The following GSAP variants were observed in gnomAD, a reference collection of about 807,000 sequenced individuals.
The protein encoded by GSAP is gamma-secretase-activating protein.
Under a neutral mutation model 131.7 loss-of-function variants are expected in GSAP, and 118 were observed. The observed-to-expected ratio is 0.90, with a 90% CI of 0.77 to 1.04. The LOEUF (loss-of-function observed/expected upper bound fraction) is 1.04. Among genes scored for constraint, GSAP ranks in the 50% least tolerant of loss-of-function variants. The pLI, the probability that GSAP is intolerant of heterozygous loss-of-function variation, is 0.00. For missense variants in GSAP, 1,019 were observed against 1,013.2 expected, an observed-to-expected ratio of 1.01 and a Z score of -0.08; for synonymous variants, 381 against 363.4, an observed-to-expected ratio of 1.05 and a Z score of -0.55.
At chr7:77,324,116 C>T (rs1562901466) in intron 23 of GSAP, among the ~76,000 whole-genome samples, 1 of 152,144 alleles carries the variant, frequency 6.6e-6, no homozygotes, top group Non-Finnish European at 1.5e-5. Context: ...ACAGGAACAA[C>T]TCTATATATA....
At chr7:77,335,013 G>T (rs1332897959) in intron 19 of GSAP, among the ~76,000 whole-genome samples, 1 of 152,038 alleles carries the variant, frequency 6.6e-6, no homozygotes, top group Non-Finnish European at 1.5e-5. Flanking sequence ...AACCCGGGAG[G>T]CAGAGCTTGC....
At chr7:77,336,888 A>G (rs1790063713) in intron 19 of GSAP, among the ~76,000 whole-genome samples, 1 of 152,230 alleles carries the variant, frequency 6.6e-6, no homozygotes, top group African/African-American at 2.4e-5. Context: ...TGGCCTCACT[A>G]TAATTAACTG....
At chr7:77,316,506 C>G (rs1794985527) in intron 26 of GSAP, among the ~76,000 whole-genome samples, 1 of 151,850 alleles carries the variant, frequency 6.6e-6, no homozygotes, top group African/African-American at 2.4e-5. Context: ...TCCCTGAGTC[C>G]AAAAAAACTC....
At chr7:77,318,399 C>T (rs141372817) in intron 26 of GSAP, among the ~76,000 whole-genome samples, 1 of 151,964 alleles carries the variant, frequency 6.6e-6, no homozygotes, top group African/African-American at 2.4e-5. Flanking sequence ...GTACGTGGCA[C>T]AAAATGAGTA....
At position 77,412,898 on chromosome 7, in the gene GSAP, T is replaced by A. The variant is rs949554033; in HGVS notation, c.109+3315A>T. ...TAAGTACAACACTCTGGAAAACAAT[T>A]TGGCACTGCCCAGGAAAGACGAAGA... On this transcript the variant is annotated intron_variant, in intron 1 of 30. Coordinates refer to ENST00000257626, the MANE Select transcript of GSAP (RefSeq NM_017439.4). 3.9e-5 allele frequency among the ~76,000 whole-genome samples: 6 copies of A among 152,224 alleles called. No homozygotes were observed. The East Asian group carries it at 1.2e-3, about 29-fold the overall frequency.
At chr7:77,329,286 T>C in intron 21 of GSAP, 47 bp downstream of exon 21, 1 of 1,057,642 alleles carries the variant, frequency 9.5e-7, no homozygotes, top group Non-Finnish European at 1.4e-6. Context: ...AAAGTAATTG[T>C]AAATGTCAAC....
At chr7:77,353,835 A>C in intron 16 of GSAP, 194 bp from the exon 17 acceptor site, 1 of 474,140 alleles carries the variant, frequency 2.1e-6, no homozygotes, top group Non-Finnish European at 3.7e-6. Flanking sequence ...TTTATAAGTG[A>C]GATCCTTTTT....
intron 12 of GSAP, among the ~76,000 whole-genome samples, chr7:77,370,533 C>T (rs1221343153): frequency 4.6e-5 from 7 of 152,136 alleles, no homozygotes; most frequent in African/African-American, 1.7e-4. Context: ...ATGTGAGCTC[C>T]GGATCCCATC....
intron 18 of GSAP, chr7:77,351,018 G>C: frequency 1.8e-6 from 1 of 549,916 alleles, no homozygotes. Context: ...TATTTTAGGA[G>C]ATGTAATGTA....
At chr7:77,365,739 G>A (rs1795191764) in intron 12 of GSAP, among the ~76,000 whole-genome samples, 1 of 151,986 alleles carries the variant, frequency 6.6e-6, no homozygotes. Context: ...ATTCCTCTAA[G>A]TATATACCCA....
chr7:77,330,590 T>TG, intron 19 of GSAP: 1 of 1,101,110 alleles, frequency 9.1e-7, no homozygotes, highest in Non-Finnish European at 1.1e-6. Flanking sequence ...TTTTTTTTTT[T>TG]TTTGTCGTTG....
chr7:77,334,225 G>A (rs762618484), intron 19 of GSAP, among the ~76,000 whole-genome samples: 15 of 152,230 alleles, frequency 9.9e-5, no homozygotes, highest in South Asian at 6.2e-4. Flanking sequence ...CATATACACC[G>A]TGGAATACTA....
intron 19 of GSAP, among the ~76,000 whole-genome samples, chr7:77,340,002 G>A (rs1236116412): frequency 6.6e-6 from 1 of 152,130 alleles, no homozygotes; most frequent in Non-Finnish European, 1.5e-5. Flanking sequence ...ACATCCAGCT[G>A]GCCTGAAGGA....
chr7:77,357,832 G>A (rs371161197), intron 14 of GSAP, among the ~76,000 whole-genome samples: 24 of 152,182 alleles, frequency 1.6e-4, no homozygotes, highest in Admixed American at 3.9e-4. Context: ...GACTCATTTC[G>A]AACTTCCAAC....
At chr7:77,375,351 A>C (rs978236922) in intron 10 of GSAP, among the ~76,000 whole-genome samples, 1 of 152,172 alleles carries the variant, frequency 6.6e-6, no homozygotes, top group African/African-American at 2.4e-5. Context: ...TGCTTGACAA[A>C]CTTTGTCTTA....
At chr7:77,370,883 T>C (rs1201343068) in intron 12 of GSAP, among the ~76,000 whole-genome samples, 1 of 152,206 alleles carries the variant, frequency 6.6e-6, no homozygotes, top group Non-Finnish European at 1.5e-5. Context: ...GAAACTACCC[T>C]GTGCCTTCAG....
At chr7:77,314,299 C>T in intron 27 of GSAP, 71 bp downstream of exon 27, 6 of 1,567,568 alleles carry the variant, frequency 3.8e-6, no homozygotes, top group Non-Finnish European at 5.2e-6. Context: ...GCACAGGTTG[C>T]ACACCCAAGA....
At position 77,349,395 on chromosome 7, in the gene GSAP, C is replaced by T; in HGVS notation, c.1501G>A (p.Gly501Arg). 1.9e-6 allele frequency: 3 copies of T among 1,612,742 alleles called. No homozygotes were observed. Among genetic ancestry groups the T allele is most frequent in the Non-Finnish European group, 2.5e-6 (3 of 1,179,154 alleles). Residue 501 changes from glycine to arginine, a missense_variant, in exon 19 of 31, where the codon GGA becomes AGA. Coordinates refer to ENST00000257626, the MANE Select transcript of GSAP (RefSeq NM_017439.4). ...ATGTCTTCTGTCACAAGAGTTATTC[C>T]AGGAATTTCCTATAGTGGGGAAAAA... ...SVLTWNTEIP[G>R]ITLVTEDIAL...
intron 3 of GSAP, among the ~76,000 whole-genome samples, chr7:77,402,401 AG>A (rs1643647234): frequency 2.5e-5 from 3 of 121,038 alleles, no homozygotes; most frequent in African/African-American, 7.0e-5. Flanking sequence ...AAAAGAAAAA[AG>A]AAAAAAAAAA....
Sources: gnomAD v4.1 joint callset for allele counts (sites outside exome capture counted in the v4.1 genomes callset) on GRCh38, gnomAD v4.1.1 for gene constraint, MANE v1.5 for transcripts, NCBI Gene and HGNC (gene_info 2026-07-23, HGNC 2026-07-21) for gene names.